The following SCO1 variants were observed in gnomAD, a reference collection of about 807,000 sequenced individuals.
The protein encoded by SCO1 is cytochrome c oxidase assembly factor SCO1.
A neutral mutation model predicts 34.0 loss-of-function variants in SCO1; 23 were observed. The ratio of observed to expected loss-of-function variants is 0.68; its 90% CI spans 0.49 to 0.96. The LOEUF (loss-of-function observed/expected upper bound fraction) is 0.96, where lower values mean the gene tolerates loss of function less well. SCO1 is among the 40% of genes least tolerant of loss of function. The pLI, the probability that SCO1 is intolerant of heterozygous loss-of-function variation, is 0.00. For missense variants in SCO1, 404 were observed against 381.6 expected (o/e 1.06, Z -0.49); for synonymous variants, 161 against 145.5 (o/e 1.11, Z -0.77).
At chr17:10,683,130 T>C (rs2074632714) in intron 5 of SCO1, among the ~76,000 whole-genome samples, 1 of 152,178 alleles carries the variant, frequency 6.6e-6, no homozygotes, top group African/African-American at 2.4e-5. Context: ...CCAGAGTGCC[T>C]CAGTTCCCCT....
intron 1 of SCO1, 73 bp from the exon 2 acceptor site, chr17:10,695,904 G>A: frequency 8.6e-7 from 1 of 1,162,764 alleles, no homozygotes; most frequent in Non-Finnish European, 1.3e-6. Context: ...ACTTATTAAA[G>A]TAGTTTTTAA....
rs1305860039 is a variant in SCO1 at position 10,694,771 on chromosome 17, T to C, written c.364+970A>G. On this transcript the variant is annotated intron_variant, in intron 2 of 5. Coordinates refer to ENST00000255390, the MANE Select transcript of SCO1 (RefSeq NM_004589.4). ...CCCGCCACAACTTTCCTAGCTTTTG[T>C]TTCTTTGTGAAACTAAAGAAACTTA... Among the ~76,000 whole-genome samples the C allele has an allele frequency of 2.0e-5, 3 of 146,878 alleles. No individual in the cohort carries two copies. In the East Asian group the frequency reaches 5.8e-4, roughly 28 times the overall value.
At chr17:10,685,389 T>A (rs2151453608) in intron 5 of SCO1, among the ~76,000 whole-genome samples, 1 of 152,328 alleles carries the variant, frequency 6.6e-6, no homozygotes, top group Middle Eastern at 3.4e-3. Context: ...GAGAAAAATG[T>A]CCAAATTGAG....
In SCO1 at chr17:10,688,972, C is replaced by T. The variant is rs543970244; in HGVS notation, c.656-2130G>A. Among the ~76,000 whole-genome samples the T allele has an allele frequency of 4.2e-3, 627 of 148,356 alleles. 20 individuals are homozygous for T. Among genetic ancestry groups the T allele is most frequent in the Admixed American group, 0.039 (591 of 15,100 alleles). On this transcript the variant is annotated intron_variant, in intron 4 of 5. Coordinates refer to ENST00000255390, the MANE Select transcript of SCO1 (RefSeq NM_004589.4). Reference sequence around the variant, plus strand: ...TCTACTAAAAATACAAAAAATTAGCCGGGCGTGGTAGCGGGCGCCTGTAGT... The same window carrying T: ...TCTACTAAAAATACAAAAAATTAGCTGGGCGTGGTAGCGGGCGCCTGTAGT...
rs1567571200 is a variant in SCO1 at position 10,676,474 on chromosome 17, G to T, written c.*4645C>A. On this transcript the variant is annotated 3_prime_UTR_variant, in exon 6 of 6. Coordinates refer to ENST00000255390, the MANE Select transcript of SCO1 (RefSeq NM_004589.4). Reference sequence around the variant, plus strand: ...GGGCTGGGGTGGCAGTGGGTGGGGGGGTGCAGACAAAATTAAATGGTGGTA... The same window carrying T: ...GGGCTGGGGTGGCAGTGGGTGGGGGTGTGCAGACAAAATTAAATGGTGGTA... 1 of 152,076 alleles carries T rather than the reference G, an allele frequency of 6.6e-6. No homozygotes were observed. The highest frequency in any genetic ancestry group is 1.5e-5 in the Non-Finnish European group (1 of 68,026). 9.4% of individuals were successfully genotyped at this position (152,076 alleles called of 1,614,324 possible).
chr17:10,693,735 G>T (rs1204360727), intron 2 of SCO1, among the ~76,000 whole-genome samples: 1 of 152,184 alleles, frequency 6.6e-6, no homozygotes, highest in Non-Finnish European at 1.5e-5. Flanking sequence ...AGTGTAAAAT[G>T]AGGCTGGAAC....
intron 5 of SCO1, among the ~76,000 whole-genome samples, chr17:10,685,051 C>G (rs2520189): frequency 0.038 from 5,753 of 152,300 alleles, 370 homozygotes; most frequent in African/African-American, 0.13. Context: ...CAGGCCAGAA[C>G]CTTGCTTTTA....
At position 10,680,869 on chromosome 17, in the gene SCO1, T is replaced by C. The variant is rs930964094; in HGVS notation, c.*250A>G. On this transcript the variant is annotated 3_prime_UTR_variant, in exon 6 of 6. Coordinates refer to ENST00000255390, the MANE Select transcript of SCO1 (RefSeq NM_004589.4). ...TCCACAGGTGGGCTCTTCACTGGCT[T>C]CACTTCAGCTTGATCCTCTGGTCTC... 9 of 534,484 alleles carry C rather than the reference T, an allele frequency of 1.7e-5. No individual in the cohort carries two copies. The highest frequency in any genetic ancestry group is 3.0e-5 in the Non-Finnish European group (9 of 298,712). The allele number at this position is 534,484 out of a possible 1,614,324, so 33.1% of individuals were successfully genotyped here.
chr17:10,693,426 A>G (rs946578394), intron 2 of SCO1, among the ~76,000 whole-genome samples: 3 of 152,206 alleles, frequency 2.0e-5, no homozygotes, highest in African/African-American at 4.8e-5. Flanking sequence ...TGAGTATATT[A>G]AAGAGAAGAG....
Position 10,691,975 on chromosome 17 carries a change from GT to G in SCO1, c.563-12del. ...GAGTTGTAATGCTATCTGAAAGAGA[GT>G]TCCAATTAGTCCGTATTCACACCCT... On this transcript the variant is annotated splice_polypyrimidine_tract_variant and intron_variant, in intron 3 of 5. Transcript: ENST00000255390. 1 of 1,570,146 alleles carries G rather than the reference GT, an allele frequency of 6.4e-7. No homozygotes were observed. Among genetic ancestry groups the G allele is most frequent in the Non-Finnish European group, 8.8e-7 (1 of 1,140,318 alleles).
chr17:10,693,229 T>G (rs2074701008), intron 2 of SCO1, among the ~76,000 whole-genome samples: 1 of 152,216 alleles, frequency 6.6e-6, no homozygotes, highest in Non-Finnish European at 1.5e-5. Context: ...CCTAAGCCAT[T>G]AGCTGTGTCC....
Position 10,674,567 on chromosome 17 carries a change from G to C in SCO1, c.*6552C>G. The C allele has an allele frequency of 6.1e-6, 1 of 163,174 alleles. No individual in the cohort carries two copies. The highest frequency in any genetic ancestry group is 1.3e-5 in the Non-Finnish European group (1 of 75,400). 10.1% of individuals were successfully genotyped at this position (163,174 alleles called of 1,614,324 possible). A position where few individuals can be genotyped will look rare whatever the true frequency, so the allele number is the denominator to read the frequency against. On this transcript the variant is annotated 3_prime_UTR_variant, in exon 6 of 6. Transcript: ENST00000255390. The stretch of plus-strand genomic sequence containing the variant: ...GACTACACTGAGTAGCAAGGCTGTA[G>C]AGGGAGTCTGAGTATTAGCTTTGCT...
intron 3 of SCO1, 95 bp downstream of exon 3, chr17:10,692,669 T>C (rs1454636083): frequency 1.1e-5 from 11 of 1,023,692 alleles, no homozygotes; most frequent in Admixed American, 5.3e-5. Context: ...AATCACATAA[T>C]TGCAAAACCC....
At chr17:10,692,032 C>T in intron 3 of SCO1, 68 bp from the exon 4 acceptor site, 1 of 1,128,062 alleles carries the variant, frequency 8.9e-7, no homozygotes, top group African/African-American at 1.5e-5. Context: ...CCAGCAATAA[C>T]AGGAGAGTAT....
intron 5 of SCO1, among the ~76,000 whole-genome samples, chr17:10,684,484 C>A (rs1011689433): frequency 1.3e-5 from 2 of 152,234 alleles, no homozygotes; most frequent in African/African-American, 4.8e-5. Context: ...AAAACCCCCT[C>A]CCTTCTTGCC....
At chr17:10,695,535 T>TA (rs1182548241) in intron 2 of SCO1, 1 of 520,820 alleles carries the variant, frequency 1.9e-6, no homozygotes, top group African/African-American at 1.9e-5. Flanking sequence ...TAAAATTTCT[T>TA]AGTCATGAAA....
chr17:10,686,786 C>T lies in SCO1; in HGVS notation c.712G>A (p.Ala238Thr). ...CTGTAATACACTCTGTATGCTCTGG[C>T]CACTTGATCGACCTCTTCTCTCGTG... is the stretch of plus-strand genomic sequence containing the variant. Reference protein sequence around the residue: ...TGTREEVDQVARAYRVYYSPG... With the variant: ...TGTREEVDQVTRAYRVYYSPG... The change falls in exon 5 of 6, where the codon GCC becomes ACC. Residue 238 changes from alanine to threonine, a missense_variant. Ala to Thr is a moderately conservative substitution (Grantham distance 58). Transcript: ENST00000255390. 1 of 1,613,982 alleles carries T rather than the reference C, an allele frequency of 6.2e-7. No individual in the cohort carries two copies. Among genetic ancestry groups the T allele is most frequent in the Non-Finnish European group, 8.5e-7 (1 of 1,179,942 alleles).
chr17:10,684,847 T>G (rs1367488355), intron 5 of SCO1, among the ~76,000 whole-genome samples: 1 of 152,252 alleles, frequency 6.6e-6, no homozygotes, highest in Admixed American at 6.5e-5. Context: ...TGTGGCTCTC[T>G]GCTCTTCTCT....
chr17:10,683,973 T>A (rs1266660396), intron 5 of SCO1: 1 of 152,172 alleles, frequency 6.6e-6, no homozygotes, highest in African/African-American at 2.4e-5. Flanking sequence ...AACCATCCTA[T>A]GGATGAAAAT....
Sources: allele counts gnomAD v4.1 joint callset (sites outside exome capture counted in the v4.1 genomes callset), GRCh38; gene constraint gnomAD v4.1.1; transcripts MANE v1.5; gene names NCBI Gene and HGNC (gene_info 2026-07-23, HGNC 2026-07-21).